The following ACOX3 variants were observed in gnomAD, a reference collection of about 807,000 sequenced individuals.
ACOX3 encodes the protein peroxisomal acyl-coenzyme A oxidase 3.
A neutral mutation model predicts 81.5 loss-of-function variants in ACOX3; 73 were observed. That is an observed-to-expected ratio of 0.90 (90% CI 0.74 to 1.09). ACOX3 has a LOEUF of 1.09. Among genes scored for constraint, ACOX3 ranks in the 50% least tolerant of loss-of-function variants. The pLI, the probability that ACOX3 is intolerant of heterozygous loss-of-function variation, is 0.00. For missense variants in ACOX3, 947 were observed against 928.0 expected, an observed-to-expected ratio of 1.02 and a Z score of -0.27; for synonymous variants, 387 against 375.1, an observed-to-expected ratio of 1.03 and a Z score of -0.37.
At chr4:8,372,105 G>T (rs747582) in intron 16 of ACOX3, among the ~76,000 whole-genome samples, 82,637 of 151,982 alleles carry the variant, frequency 0.54, 22,661 homozygotes, top group Middle Eastern at 0.65. Flanking sequence ...AGTTGTGGCT[G>T]TCATTTTTTT....
chr4:8,361,425 CAA>C (rs56251372), downstream of ACOX3, among the ~76,000 whole-genome samples: 446 of 38,924 alleles, frequency 0.011, 3 homozygotes, highest in South Asian at 0.034. Context: ...GACTCTATCT[CAA>C]AAAAAAAAAA....
intron 17 of ACOX3, among the ~76,000 whole-genome samples, chr4:8,369,743 G>A (rs142485338): frequency 0.014 from 2,144 of 152,344 alleles, 24 homozygotes; most frequent in Non-Finnish European, 0.02. Context: ...AGGACTGAGG[G>A]AGGGTCCTGC....
chr4:8,412,725 G>A (rs1478278901), intron 5 of ACOX3, among the ~76,000 whole-genome samples: 2 of 152,084 alleles, frequency 1.3e-5, no homozygotes, highest in South Asian at 2.1e-4. Context: ...AGGGACAAGC[G>A]GAGGCCAAGG....
chr4:8,377,181 G>C (rs951915695), intron 14 of ACOX3, among the ~76,000 whole-genome samples: 1 of 152,222 alleles, frequency 6.6e-6, no homozygotes, highest in African/African-American at 2.4e-5. Context: ...CGAACCCAGA[G>C]ATGAGGCCAA....
chr4:8,360,929 C>G, the ACOX3 span, among the ~76,000 whole-genome samples: 1 of 152,070 alleles, frequency 6.6e-6, no homozygotes, highest in Admixed American at 6.6e-5. Context: ...ACACCTGGTA[C>G]ACAATTAGAA....
chr4:8,410,411 T>C (rs1721591432), intron 5 of ACOX3, 56 bp from the exon 6 acceptor site: 2 of 1,593,554 alleles, frequency 1.3e-6, no homozygotes, highest in East Asian at 4.5e-5. Flanking sequence ...ACATGCAGAA[T>C]TGGTGTTTTC....
Position 8,416,570 on chromosome 4 carries a change from C to T in ACOX3, c.-14-35G>A, listed in dbSNP as rs370126364. On this transcript the variant is annotated intron_variant, in intron 1 of 17. Transcript: ENST00000356406. The surrounding 1 kb of genome is among the most constrained non-coding windows in gnomAD (Gnocchi z 4.2). The stretch of plus-strand genomic sequence containing the variant: ...ACATGCAACCTGAATCCATGCTCTC[C>T]CATCTATGGGTTCAAACTACCCCCA... The T allele has an allele frequency of 6.5e-7, 1 of 1,534,140 alleles. No homozygotes were observed. The highest frequency in any genetic ancestry group is 8.8e-7 in the Non-Finnish European group (1 of 1,141,244).
At chr4:8,440,477 T>TAAGAGGACTCATCTTTTACGTTCACA (rs1724551805) in intron 1 of ACOX3, among the ~76,000 whole-genome samples, 171 bp downstream of exon 1, 1 of 152,234 alleles carries the variant, frequency 6.6e-6, no homozygotes, top group African/African-American at 2.4e-5. Context: ...TTAGCTTTCA[T>TAAGAGGACTCATCTTTTACGTTCACA]AAGAGGACTC....
At position 8,415,965 on chromosome 4, in the gene ACOX3, A is replaced by G. The variant is rs1194755616; in HGVS notation, c.179T>C (p.Leu60Pro). Residue 60 changes from leucine to proline, a missense_variant, in exon 3 of 18, where the codon CTT becomes CCT. Physicochemically the swap from Leu to Pro is moderately conservative, Grantham distance 98 (BLOSUM62 -3). Coordinates refer to ENST00000356406, the MANE Select transcript of ACOX3 (RefSeq NM_003501.3). ...TIFSALENDP[L>P]FARSPGADLS... Reference sequence around the variant, plus strand: ...ATCGGCTCCAGGGGAACGAGCGAAAAGAGGGTCATTCTCAAGAGCTGAGAA... The same window carrying G: ...ATCGGCTCCAGGGGAACGAGCGAAAGGAGGGTCATTCTCAAGAGCTGAGAA... 2 of 1,614,056 alleles carry G rather than the reference A, an allele frequency of 1.2e-6. No homozygotes were observed. The highest frequency in any genetic ancestry group is 2.2e-5 in the East Asian group (1 of 44,890).
chr4:8,404,683 C>A (rs1215482216), intron 7 of ACOX3, among the ~76,000 whole-genome samples: 1 of 152,104 alleles, frequency 6.6e-6, no homozygotes, highest in Non-Finnish European at 1.5e-5. Context: ...CCCACTGGCC[C>A]ATCTTCTCCC....
chr4:8,422,532 G>A (rs1029413882), intron 1 of ACOX3, among the ~76,000 whole-genome samples: 3 of 152,092 alleles, frequency 2.0e-5, no homozygotes, highest in African/African-American at 4.8e-5. Flanking sequence ...CAGGACAAAC[G>A]GGCCCTCAGG....
intron 1 of ACOX3, among the ~76,000 whole-genome samples, chr4:8,418,240 G>C (rs1218308672): frequency 2.0e-5 from 3 of 152,170 alleles, no homozygotes; most frequent in Non-Finnish European, 2.9e-5. Context: ...AACATCTCTT[G>C]TAATACAGAT....
Position 8,430,593 on chromosome 4 carries a change from C to T in ACOX3, c.-15+10055G>A, listed in dbSNP as rs1381866349. 2.6e-5 allele frequency among the ~76,000 whole-genome samples: 4 copies of T among 152,196 alleles called. No individual in the cohort carries two copies. Among genetic ancestry groups the T allele is most frequent in the Non-Finnish European group, 4.4e-5 (3 of 68,034 alleles). On this transcript the variant is annotated intron_variant, in intron 1 of 17. Transcript: ENST00000356406. The surrounding 1 kb of genome is among the most constrained non-coding windows in gnomAD (Gnocchi z 5.2). ...TCTTTCGGCTGGGTGTGGTGGCTCA[C>T]ACCTATAATCTTAGCACTTTGGGAG...
At position 8,423,315 on chromosome 4, in the gene ACOX3, G is replaced by T. The variant is rs181685631; in HGVS notation, c.-14-6780C>A. On this transcript the variant is annotated intron_variant, in intron 1 of 17. Transcript: ENST00000356406. This position sits in a 1 kb window ranked among gnomAD's most constrained non-coding sequence, Gnocchi z 4.2. Reference sequence around the variant, plus strand: ...GGGGCCATTATACACCTGAACATGGGAGAAGGAACACCGTTTGCTGTCCCC... The same window carrying T: ...GGGGCCATTATACACCTGAACATGGTAGAAGGAACACCGTTTGCTGTCCCC... Among the ~76,000 whole-genome samples the T allele has an allele frequency of 6.6e-6, 1 of 152,250 alleles. No individual in the cohort carries two copies. Among genetic ancestry groups the T allele is most frequent in the African/African-American group, 2.4e-5 (1 of 41,540 alleles).
chr4:8,387,916 C>A (rs1465481001), intron 13 of ACOX3, among the ~76,000 whole-genome samples: 4 of 152,224 alleles, frequency 2.6e-5, no homozygotes, highest in Non-Finnish European at 2.9e-5. Flanking sequence ...CCTGTCCCAG[C>A]CGCCTCTCAC....
In ACOX3 at chr4:8,394,998, G is replaced by A; in HGVS notation, c.1057-256C>T. ...ATTCGCTAAATGGCCGCTATTCACA[G>A]CTGTCCCATCAAAGTCACTACAGAA... is the stretch of plus-strand genomic sequence containing the variant. On this transcript the variant is annotated intron_variant, in intron 9 of 17. Coordinates refer to ENST00000356406, the MANE Select transcript of ACOX3 (RefSeq NM_003501.3). The surrounding 1 kb of genome is among the most constrained non-coding windows in gnomAD (Gnocchi z 5.9). 2.7e-6 allele frequency: 1 copy of A among 369,108 alleles called. No homozygotes were observed. The highest frequency in any genetic ancestry group is 5.1e-6 in the Non-Finnish European group (1 of 195,764). The allele number at this position is 369,108 out of a possible 1,614,324, so 22.9% of individuals were successfully genotyped here. A position where few individuals can be genotyped will look rare whatever the true frequency, so the allele number is the denominator to read the frequency against.
At chr4:8,438,332 T>C (rs1724372855) in intron 1 of ACOX3, among the ~76,000 whole-genome samples, 1 of 152,156 alleles carries the variant, frequency 6.6e-6, no homozygotes, top group African/African-American at 2.4e-5. Flanking sequence ...ACACACAGCC[T>C]ATTGGCTGCA....
chr4:8,417,946 G>A (rs912897397), intron 1 of ACOX3, among the ~76,000 whole-genome samples: 1 of 152,172 alleles, frequency 6.6e-6, no homozygotes. Context: ...GATATGAAGT[G>A]GTCATATTCC....
intron 15 of ACOX3, 77 bp from the exon 16 acceptor site, chr4:8,373,705 A>C: frequency 7.0e-7 from 1 of 1,429,712 alleles, no homozygotes; most frequent in Non-Finnish European, 9.7e-7. Flanking sequence ...CCCTGAGTGC[A>C]CTTTCCAAAT....
Sources: gnomAD v4.1 joint callset for allele counts (sites outside exome capture counted in the v4.1 genomes callset) on GRCh38, gnomAD v4.1.1 for gene constraint, Gnocchi (gnomAD v3.1) non-coding constraint, MANE v1.5 for transcripts, NCBI Gene and HGNC (gene_info 2026-07-23, HGNC 2026-07-21) for gene names.